Variants in SEPTIN2 observed in about 807,000 individuals in gnomAD.
SEPTIN2 encodes the protein septin-2.
SEPTIN2 carries 34 observed loss-of-function variants against 46.5 expected under a neutral mutation model. The ratio of observed to expected loss-of-function variants is 0.73; its 90% CI spans 0.56 to 0.97. SEPTIN2 has a LOEUF of 0.97. SEPTIN2 is among the 50% of genes least tolerant of loss of function. The probability of loss-of-function intolerance (pLI) is 0.00; values close to 1 mark genes in which losing one functional copy is unlikely to be tolerated. For synonymous variants in SEPTIN2, 175 were observed against 153.4 expected, an observed-to-expected ratio of 1.14 and a Z score of -1.04; for missense variants, 347 against 448.4, an observed-to-expected ratio of 0.77 and a Z score of 2.04.
intron 1 of SEPTIN2, chr2:241,320,339 GT>G: frequency 4.2e-6 from 2 of 470,660 alleles, no homozygotes; most frequent in South Asian, 3.1e-5. Flanking sequence ...AGATTTTCCA[GT>G]TTTTGGTTCT....
chr2:241,318,896 C>T (rs1238429197), intron 1 of SEPTIN2, among the ~76,000 whole-genome samples: 1 of 152,008 alleles, frequency 6.6e-6, no homozygotes, highest in Non-Finnish European at 1.5e-5. Context: ...CGGGGTTTCA[C>T]CATGTTGGCC....
At chr2:241,339,506 T>C (rs941991156) in intron 7 of SEPTIN2, among the ~76,000 whole-genome samples, 2 of 152,166 alleles carry the variant, frequency 1.3e-5, no homozygotes, top group African/African-American at 4.8e-5. Context: ...TGCCATTTGA[T>C]TTTTCTATTT....
chr2:241,316,065 A>G (rs1386316165), intron 1 of SEPTIN2, 83 bp downstream of exon 1: 1 of 154,546 alleles, frequency 6.5e-6, no homozygotes, highest in African/African-American at 2.5e-5. Context: ...CTCGTCCCAT[A>G]CTCTCGGGCG....
chr2:241,353,766 T>C lies in SEPTIN2; in HGVS notation c.*1829T>C, dbSNP rs1259009818. ...TTTGCTAGTGACTAAGCCCCGCATA[T>C]GTGAGTGAAAGTACTTCAGGCACGC... On this transcript the variant is annotated 3_prime_UTR_variant, in exon 13 of 13. Transcript: ENST00000391971. 1 of 153,380 alleles carries C rather than the reference T, an allele frequency of 6.5e-6. No individual in the cohort carries two copies. Among genetic ancestry groups the C allele is most frequent in the Admixed American group, 6.5e-5 (1 of 15,278 alleles). 9.5% of individuals were successfully genotyped at this position (153,380 alleles called of 1,614,324 possible). A position where few individuals can be genotyped will look rare whatever the true frequency, so the allele number is the denominator to read the frequency against.
At chr2:241,335,779 C>T (rs1217349550) in intron 4 of SEPTIN2, 196 bp from the exon 5 acceptor site, 3 of 634,458 alleles carry the variant, frequency 4.7e-6, no homozygotes, top group Non-Finnish European at 8.3e-6. Flanking sequence ...TAACCTTCCC[C>T]AGTAGCACAA....
At chr2:241,349,934 TA>T (rs1211065198) in intron 11 of SEPTIN2, 138 bp from the exon 12 acceptor site, 2 of 731,872 alleles carry the variant, frequency 2.7e-6, no homozygotes, top group African/African-American at 3.6e-5. Context: ...TATTGATTGG[TA>T]AAAAGTCTTT....
intron 7 of SEPTIN2, among the ~76,000 whole-genome samples, chr2:241,338,269 C>CTGT (rs1415667923): frequency 6.6e-6 from 1 of 152,140 alleles, no homozygotes; most frequent in Non-Finnish European, 1.5e-5. Context: ...TTTAGTGCCT[C>CTGT]TTCCGTGTAT....
At chr2:241,327,085 C>T (rs1575185104) in intron 3 of SEPTIN2, among the ~76,000 whole-genome samples, 1 of 140,558 alleles carries the variant, frequency 7.1e-6, no homozygotes, top group Non-Finnish European at 1.5e-5. Context: ...AAAATCCAGG[C>T]ATTTACAGTG....
At chr2:241,328,205 CG>C (rs2078321142) in intron 3 of SEPTIN2, among the ~76,000 whole-genome samples, 2 of 151,936 alleles carry the variant, frequency 1.3e-5, no homozygotes, top group Admixed American at 1.3e-4. Flanking sequence ...GAGGCCAGAG[CG>C]GGTGGATCAT....
At chr2:241,325,847 A>G (rs2077872637) in intron 2 of SEPTIN2, 146 bp from the exon 3 acceptor site, 2 of 625,984 alleles carry the variant, frequency 3.2e-6, no homozygotes, top group Admixed American at 7.1e-5. Context: ...GTTTTCTGAT[A>G]GAAGTATGAC....
At chr2:241,317,774 T>C (rs904348018) in intron 1 of SEPTIN2, among the ~76,000 whole-genome samples, 1 of 152,190 alleles carries the variant, frequency 6.6e-6, no homozygotes, top group Non-Finnish European at 1.5e-5. Flanking sequence ...TCGCCAGATG[T>C]TGTTCATCTT....
At chr2:241,345,352 A>G (rs941856494) in intron 9 of SEPTIN2, among the ~76,000 whole-genome samples, 1 of 152,182 alleles carries the variant, frequency 6.6e-6, no homozygotes, top group East Asian at 1.9e-4. Flanking sequence ...AGTTAAGCGC[A>G]CTCAGCCCCT....
chr2:241,317,498 G>A, intron 1 of SEPTIN2: 2 of 978,650 alleles, frequency 2.0e-6, no homozygotes, highest in Non-Finnish European at 2.4e-6. Flanking sequence ...CCCAATACCA[G>A]CATACAGAAA....
chr2:241,325,221 A>G (rs933492388), intron 2 of SEPTIN2: 1 of 152,160 alleles, frequency 6.6e-6, no homozygotes, highest in African/African-American at 2.4e-5. Flanking sequence ...GCCTTTTTCA[A>G]TTAATAAATT....
chr2:241,316,466 G>A, intron 1 of SEPTIN2: 15 of 1,516,928 alleles, frequency 9.9e-6, no homozygotes, highest in African/African-American at 1.4e-5. Flanking sequence ...CCCATCGGCT[G>A]GATGCCGTGG....
At chr2:241,348,248 G>A (rs2060450331) in intron 11 of SEPTIN2, 57 bp downstream of exon 11, 2 of 1,506,976 alleles carry the variant, frequency 1.3e-6, no homozygotes, top group Admixed American at 3.4e-5. Flanking sequence ...TTTGTTTTGA[G>A]ACAGAGTTTT....
At chr2:241,348,985 T>G (rs1163841154) in intron 11 of SEPTIN2, among the ~76,000 whole-genome samples, 1 of 152,178 alleles carries the variant, frequency 6.6e-6, no homozygotes, top group Non-Finnish European at 1.5e-5. Context: ...CTGAAGAAAA[T>G]TTAAATGTTT....
intron 2 of SEPTIN2, chr2:241,324,631 C>A: frequency 3.4e-6 from 1 of 292,502 alleles, no homozygotes; most frequent in Non-Finnish European, 6.7e-6. Flanking sequence ...GTGATCCACC[C>A]GCTTTGGCCC....
intron 9 of SEPTIN2, among the ~76,000 whole-genome samples, chr2:241,344,836 C>T (rs1350680257): frequency 5.3e-5 from 8 of 151,852 alleles, no homozygotes; most frequent in African/African-American, 9.7e-5. Flanking sequence ...GAGGCCCAGG[C>T]GGGCGGATCA....
Sources: gnomAD v4.1 joint callset for allele counts (sites outside exome capture counted in the v4.1 genomes callset) on GRCh38, gnomAD v4.1.1 for gene constraint, MANE v1.5 for transcripts, NCBI Gene and HGNC (gene_info 2026-07-23, HGNC 2026-07-21) for gene names.